The following TCF7L2 variants were observed in gnomAD, a reference collection of about 807,000 sequenced individuals.
TCF7L2 encodes transcription factor 7 like 2, also known as transcription factor 7-like 2.
TCF7L2 carries 23 observed loss-of-function variants against 77.9 expected under a neutral mutation model. The observed-to-expected ratio is 0.30, with a 90% CI of 0.21 to 0.42. The LOEUF is 0.42. Ranked by LOEUF, TCF7L2 falls within the 10% of genes least tolerant of loss-of-function variation. TCF7L2 has a pLI of 1.00. For synonymous variants in TCF7L2, 413 were observed against 340.2 expected (o/e 1.21, Z -2.36); for missense variants, 654 against 793.1 (o/e 0.82, Z 2.11).
At chr10:112,997,964 GATTA>G (rs1209941313) in intron 4 of TCF7L2, among the ~76,000 whole-genome samples, 1 of 152,034 alleles carries the variant, frequency 6.6e-6, no homozygotes, top group Non-Finnish European at 1.5e-5. Context: ...TGCAAAAGAT[GATTA>G]ATTAATTGCC....
chr10:112,994,483 A>G (rs959276811), intron 4 of TCF7L2, among the ~76,000 whole-genome samples: 16 of 152,178 alleles, frequency 1.1e-4, no homozygotes, highest in Non-Finnish European at 2.2e-4. Flanking sequence ...GTTTTTGGTT[A>G]TTATGAGTAA....
intron 5 of TCF7L2, among the ~76,000 whole-genome samples, chr10:113,074,467 A>G (rs763506358): frequency 8.5e-5 from 13 of 152,158 alleles, no homozygotes; most frequent in Non-Finnish European, 1.8e-4. Flanking sequence ...CAACATATTA[A>G]TCTTGCTAAT....
At position 112,956,366 on chromosome 10, in the gene TCF7L2, T is replaced by TA. The variant is rs2033614290; in HGVS notation, c.381+4759_381+4760insA. 5.0e-5 allele frequency among the ~76,000 whole-genome samples: 7 copies of TA among 139,456 alleles called. No individual in the cohort carries two copies. In the South Asian group the frequency reaches 7.1e-4, roughly 14 times the overall value. 91.5% of individuals were successfully genotyped at this position (139,456 alleles called of 152,430 possible). A position where few individuals can be genotyped will look rare whatever the true frequency, so the allele number is the denominator to read the frequency against. On this transcript the variant is annotated intron_variant, in intron 3 of 13. Coordinates refer to ENST00000627217, the MANE Select transcript of TCF7L2 (RefSeq NM_001146274.2). Reference sequence around the variant, plus strand: ...TACCTTTTTTTTTTTTTTTTTTTTTTTAAATGCTGGAGTTGCCAAATAAAT... The same window carrying TA: ...TACCTTTTTTTTTTTTTTTTTTTTTTATAAATGCTGGAGTTGCCAAATAAAT...
chr10:113,082,635 A>G (rs114638181), intron 5 of TCF7L2, among the ~76,000 whole-genome samples: 1,822 of 152,184 alleles, frequency 0.012, 40 homozygotes, highest in African/African-American at 0.042. Context: ...GCACACGCAC[A>G]TGCATGTGGC....
At chr10:113,165,437 C>T (rs1346317855) in intron 13 of TCF7L2, 118 bp from the exon 15 acceptor site, 77 of 1,127,892 alleles carry the variant, frequency 6.8e-5, no homozygotes, top group Non-Finnish European at 8.4e-5. Context: ...GACCACTGGG[C>T]GTGCCACCTC....
At position 113,028,567 on chromosome 10, in the gene TCF7L2, G is replaced by A. The variant is rs559904350; in HGVS notation, c.451-11458G>A. Among the ~76,000 whole-genome samples, 9 of 152,292 alleles carry A rather than the reference G, an allele frequency of 5.9e-5. No individual in the cohort carries two copies. In the South Asian group the frequency reaches 1.7e-3, roughly 28 times the overall value. ...AGGGGAAAAAAAACAAAAGGAAAACGCAGCACGGGGTGCGGTTTCAGTTGA... is the reference window on the plus strand; with the variant it reads ...AGGGGAAAAAAAACAAAAGGAAAACACAGCACGGGGTGCGGTTTCAGTTGA... On this transcript the variant is annotated intron_variant, in intron 4 of 13. Coordinates refer to ENST00000627217, the MANE Select transcript of TCF7L2 (RefSeq NM_001146274.2).
chr10:113,116,775 AT>A (rs934103488), intron 5 of TCF7L2, among the ~76,000 whole-genome samples: 1 of 151,852 alleles, frequency 6.6e-6, no homozygotes, highest in African/African-American at 2.4e-5. Flanking sequence ...ACATTTTAAT[AT>A]TTTTTATTAC....
At chr10:113,117,398 T>C (rs1642971) in intron 5 of TCF7L2, among the ~76,000 whole-genome samples, 11,183 of 49,708 alleles carry the variant, frequency 0.22, 564 homozygotes, top group East Asian at 0.47. Flanking sequence ...TCTCTCTCTC[T>C]CTCTCTCTCT....
At chr10:113,097,674 A>AAAAAAC (rs2061187215) in intron 5 of TCF7L2, among the ~76,000 whole-genome samples, 1 of 102,480 alleles carries the variant, frequency 9.8e-6, no homozygotes. Flanking sequence ...AAAAAAAAAA[A>AAAAAAC]CAACCATGAG....
intron 5 of TCF7L2, among the ~76,000 whole-genome samples, chr10:113,040,710 AG>A (rs1244033282): frequency 3.9e-5 from 6 of 152,232 alleles, no homozygotes; most frequent in African/African-American, 1.4e-4. Context: ...TGATAGAGAA[AG>A]CATTTGTTTT....
At chr10:113,150,176 T>A (rs1033375629) in intron 8 of TCF7L2, among the ~76,000 whole-genome samples, 1 of 152,208 alleles carries the variant, frequency 6.6e-6, no homozygotes, top group Non-Finnish European at 1.5e-5. Context: ...TCATTTATAA[T>A]TTTGATAATC....
chr10:113,085,969 C>A (rs560792754), intron 5 of TCF7L2, among the ~76,000 whole-genome samples: 1 of 152,306 alleles, frequency 6.6e-6, no homozygotes, highest in East Asian at 1.9e-4. Flanking sequence ...GTGACAGGGA[C>A]ACTAGAGGTG....
rs537079638 is a variant in TCF7L2, at chr10:113,074,145, C to T, written c.552+34019C>T. On this transcript the variant is annotated intron_variant, in intron 5 of 13. Transcript: ENST00000627217. ...GGCACCTTTCTTCCTGGAGCACAGA[C>T]GTCATCTTGGATCTTTTAGATACTT... Among the ~76,000 whole-genome samples the T allele has an allele frequency of 3.3e-5, 5 of 152,266 alleles. No individual in the cohort carries two copies. In the East Asian group the frequency reaches 9.7e-4, roughly 29 times the overall value.
chr10:113,050,250 T>C (rs1472563829), intron 5 of TCF7L2, among the ~76,000 whole-genome samples: 1 of 152,190 alleles, frequency 6.6e-6, no homozygotes, highest in African/African-American at 2.4e-5. Context: ...TGCTTGTTTC[T>C]CTCACAAGGA....
At chr10:113,141,037 G>T (rs2068278579) in intron 5 of TCF7L2, 147 bp from the exon 6 acceptor site, 1 of 903,668 alleles carries the variant, frequency 1.1e-6, no homozygotes, top group Middle Eastern at 2.3e-4. Flanking sequence ...CATGGACTGG[G>T]GGGAGTATGG....
At chr10:113,082,853 T>C (rs1479161953) in intron 5 of TCF7L2, among the ~76,000 whole-genome samples, 1 of 151,874 alleles carries the variant, frequency 6.6e-6, no homozygotes, top group Non-Finnish European at 1.5e-5. Flanking sequence ...AGCATCCTCA[T>C]ATGCTGTGTC....
At chr10:112,992,699 G>A (rs550308712) in intron 4 of TCF7L2, among the ~76,000 whole-genome samples, 1 of 152,128 alleles carries the variant, frequency 6.6e-6, no homozygotes, top group South Asian at 2.1e-4. Flanking sequence ...CCCCTCCTGA[G>A]GACTGGACCT....
At chr10:113,145,800 A>C (rs2069270297) in intron 7 of TCF7L2, among the ~76,000 whole-genome samples, 1 of 152,174 alleles carries the variant, frequency 6.6e-6, no homozygotes, top group Non-Finnish European at 1.5e-5. Flanking sequence ...GAGGTTATAA[A>C]ATTTAATTAG....
At chr10:113,002,534 CTG>C (rs2044680281) in intron 4 of TCF7L2, among the ~76,000 whole-genome samples, 1 of 152,050 alleles carries the variant, frequency 6.6e-6, no homozygotes, top group Non-Finnish European at 1.5e-5. Context: ...GAAGCCCTGG[CTG>C]TGTGTGGGGG....
Sources: gnomAD v4.1 joint callset for allele counts (sites outside exome capture counted in the v4.1 genomes callset) on GRCh38, gnomAD v4.1.1 for gene constraint, MANE v1.5 for transcripts, NCBI Gene and HGNC (gene_info 2026-07-23, HGNC 2026-07-21) for gene names.